Variants in HEPACAM observed in about 807,000 individuals in gnomAD.
HEPACAM encodes hepatocyte cell adhesion molecule.
HEPACAM carries 18 observed loss-of-function variants against 38.3 expected under a neutral mutation model. The observed-to-expected ratio is 0.47, with a 90% confidence interval of 0.33 to 0.70. The LOEUF (loss-of-function observed/expected upper bound fraction) is 0.70, where lower values mean the gene tolerates loss of function less well. HEPACAM is among the 30% of genes least tolerant of loss of function. The probability of loss-of-function intolerance (pLI) is 0.03; values close to 1 mark genes in which losing one functional copy is unlikely to be tolerated. For missense variants in HEPACAM, 466 were observed against 563.0 expected, an observed-to-expected ratio of 0.83 and a Z score of 1.74; for synonymous variants, 216 against 243.1, an observed-to-expected ratio of 0.89 and a Z score of 1.04.
rs1947126000 is a variant in HEPACAM, at chr11:124,921,031, G to A, written c.*107C>T. 1 of 1,403,354 alleles carries A rather than the reference G, an allele frequency of 7.1e-7. No homozygotes were observed. The highest frequency in any genetic ancestry group is 9.2e-7 in the Non-Finnish European group (1 of 1,081,476). The allele number at this position is 1,403,354 out of a possible 1,614,324, so 86.9% of individuals were successfully genotyped here. A position where few individuals can be genotyped will look rare whatever the true frequency, so the allele number is the denominator to read the frequency against. On this transcript the variant is annotated 3_prime_UTR_variant, in exon 7 of 7. Transcript: ENST00000298251. The surrounding 1 kb of genome is among the most constrained non-coding windows in gnomAD (Gnocchi z 4.6). ...ACCCGAGACACCAGCGCCCCCCCGG[G>A]ACCTCCCCTCGTCCCCAGCGCGCCG...
rs1301959078 is a variant in HEPACAM at position 124,920,997 on chromosome 11, C to T, written c.*141G>A. 6 of 1,390,254 alleles carry T rather than the reference C, an allele frequency of 4.3e-6. No individual in the cohort carries two copies. The highest frequency in any genetic ancestry group is 1.5e-5 in the African/African-American group (1 of 65,504). 86.1% of individuals were successfully genotyped at this position (1,390,254 alleles called of 1,614,324 possible). On this transcript the variant is annotated 3_prime_UTR_variant, in exon 7 of 7. Transcript: ENST00000298251. ...CCGCCTCCGTCTGCGCATGCTCATACACGTTCACACCCGAGACACCAGCGC... is the reference window on the plus strand; with the variant it reads ...CCGCCTCCGTCTGCGCATGCTCATATACGTTCACACCCGAGACACCAGCGC...
intron 1 of HEPACAM, among the ~76,000 whole-genome samples, chr11:124,934,550 T>C (rs1947320157): frequency 6.6e-6 from 1 of 150,674 alleles, no homozygotes; most frequent in Admixed American, 6.7e-5. Flanking sequence ...AAGACTGGAG[T>C]GATGCTGCCA....
chr11:124,921,337 G>T lies in HEPACAM; in HGVS notation c.1052C>A (p.Pro351Gln). Reference protein sequence around the residue: ...SVSPAVPGRSPGLPIRSARRY... With the variant: ...SVSPAVPGRSQGLPIRSARRY... ...GCGGGCAGAGCGGATGGGCAGCCCC[G>T]GCGAGCGGCCGGGCACGGCGGGAGA... The change falls in exon 7 of 7, where the codon CCG becomes CAG. Residue 351 changes from proline (P) to glutamine (Q), a missense_variant. Physicochemically the swap from Pro to Gln is moderately conservative, Grantham distance 76. Transcript: ENST00000298251. This position sits in a 1 kb window ranked among gnomAD's most constrained non-coding sequence, Gnocchi z 4.6. The T allele has an allele frequency of 4.7e-6, 6 of 1,269,254 alleles. No homozygotes were observed. The highest frequency in any genetic ancestry group is 5.9e-6 in the Non-Finnish European group (6 of 1,012,386). The allele number at this position is 1,269,254 out of a possible 1,614,324, so 78.6% of individuals were successfully genotyped here. A position where few individuals can be genotyped will look rare whatever the true frequency, so the allele number is the denominator to read the frequency against.
At position 124,920,449 on chromosome 11, in the gene HEPACAM, G is replaced by C. The variant is rs373332085; in HGVS notation, c.*689C>G. ...GGGAGGAGGCCAAGCTGGCAGGCTC[G>C]GGTTCTTTGCCCTTGCTAGCGCCCA... On this transcript the variant is annotated 3_prime_UTR_variant, in exon 7 of 7. Transcript: ENST00000298251. 8.4e-6 allele frequency: 13 copies of C among 1,545,762 alleles called. No individual in the cohort carries two copies. The African/African-American group carries it at 1.8e-4, about 21-fold the overall frequency.
chr11:124,923,505 C>T (rs991447965), intron 3 of HEPACAM, 72 bp from the exon 4 acceptor site: 4 of 1,229,834 alleles, frequency 3.3e-6, no homozygotes, highest in Non-Finnish European at 4.8e-6. Flanking sequence ...GAACTTCCTG[C>T]CATGGATGGA....
At chr11:124,925,144 C>G (rs969321196) in intron 1 of HEPACAM, 75 bp from the exon 2 acceptor site, 23 of 1,175,358 alleles carry the variant, frequency 2.0e-5, no homozygotes, top group Non-Finnish European at 2.6e-5. Flanking sequence ...ACTTTAAGCC[C>G]TCTGATCTCC....
chr11:124,922,845 A>T, intron 4 of HEPACAM, 27 bp from the exon 5 acceptor site: 1 of 1,612,322 alleles, frequency 6.2e-7, no homozygotes, highest in Non-Finnish European at 8.5e-7. Flanking sequence ...CCCCACTATG[A>T]GCCGAATTAT....
chr11:124,920,563 C>T lies in HEPACAM; in HGVS notation c.*575G>A, dbSNP rs1255234682. On this transcript the variant is annotated 3_prime_UTR_variant, in exon 7 of 7. Transcript: ENST00000298251. ...AGGTGCCCAGGGAAGAAGGCCTTCA[C>T]AATGATCCCCCCAGCTCAGAACAGC... is the stretch of plus-strand genomic sequence containing the variant. The T allele has an allele frequency of 1.4e-5, 19 of 1,331,914 alleles. No homozygotes were observed. Among genetic ancestry groups the T allele is most frequent in the Non-Finnish European group, 1.6e-5 (16 of 1,019,718 alleles). The allele number at this position is 1,331,914 out of a possible 1,614,324, so 82.5% of individuals were successfully genotyped here.
In HEPACAM at chr11:124,919,245, T is replaced by A. The variant is rs1221144949; in HGVS notation, c.*1893A>T. On this transcript the variant is annotated 3_prime_UTR_variant, in exon 7 of 7. Coordinates refer to ENST00000298251, the MANE Select transcript of HEPACAM (RefSeq NM_152722.5). ...TGTTTATGTGGAATAAAGTTGTCAT[T>A]TCATTTCATCAAAAGTTTATTGAGC... 1 of 154,664 alleles carries A rather than the reference T, an allele frequency of 6.5e-6. No individual in the cohort carries two copies. The highest frequency in any genetic ancestry group is 1.4e-5 in the Non-Finnish European group (1 of 69,602). The allele number at this position is 154,664 out of a possible 1,614,324, so 9.6% of individuals were successfully genotyped here.
Position 124,919,866 on chromosome 11 carries a change from C to T in HEPACAM, c.*1272G>A. On this transcript the variant is annotated 3_prime_UTR_variant, in exon 7 of 7. Transcript: ENST00000298251. ...GCATTAAGGAGGAGGGAATGGAATA[C>T]ACAGAGGGCCTCCTTCTCTTTCAGC... 6.2e-7 allele frequency: 1 copy of T among 1,614,136 alleles called. No individual in the cohort carries two copies. The highest frequency in any genetic ancestry group is 8.5e-7 in the Non-Finnish European group (1 of 1,180,018).
intron 1 of HEPACAM, among the ~76,000 whole-genome samples, chr11:124,931,523 A>G (rs1259722757): frequency 2.0e-5 from 3 of 152,260 alleles, no homozygotes; most frequent in South Asian, 4.1e-4. Flanking sequence ...AGAATCTGAT[A>G]CCAGTTCATA....
intron 1 of HEPACAM, among the ~76,000 whole-genome samples, chr11:124,928,784 C>T (rs1947249471): frequency 6.6e-6 from 1 of 152,296 alleles, no homozygotes; most frequent in African/African-American, 2.4e-5. Flanking sequence ...CTTTCCGGAC[C>T]GAACCAACAT....
intron 1 of HEPACAM, among the ~76,000 whole-genome samples, chr11:124,929,367 T>C (rs1218524301): frequency 6.6e-6 from 1 of 152,174 alleles, no homozygotes; most frequent in Non-Finnish European, 1.5e-5. Flanking sequence ...GAAGGAGTCT[T>C]TCTTGAAAGC....
chr11:124,935,068 TAA>T (rs1373219102), intron 1 of HEPACAM, among the ~76,000 whole-genome samples: 1 of 152,132 alleles, frequency 6.6e-6, no homozygotes, highest in African/African-American at 2.4e-5. Flanking sequence ...CCCCATCTTT[TAA>T]AATTCAGTGC....
chr11:124,923,902 G>A lies in HEPACAM; in HGVS notation c.536C>T (p.Thr179Ile), dbSNP rs1409088053. ...SHENGTKPSY[T>I]WLKDGKPLLN... ...GAGGGGCTTGCCATCCTTCAGCCAG[G>A]TGTAGCTGGGCTTGGTGCCATTCTC... The change falls in exon 3 of 7, where the codon ACC becomes ATC. Residue 179 changes from threonine (T) to isoleucine (I), a missense_variant. Thr to Ile is a moderately conservative substitution (Grantham distance 89). Transcript: ENST00000298251. 6.2e-7 allele frequency: 1 copy of A among 1,613,716 alleles called. No individual in the cohort carries two copies. Among genetic ancestry groups the A allele is most frequent in the Admixed American group, 1.7e-5 (1 of 60,026 alleles).
In HEPACAM at chr11:124,923,786, T is replaced by C. The variant is rs10790715; in HGVS notation, c.652A>G (p.Met218Val). ...CCCTGGCTGATGGGGTTCTCCACCA[T>C]GCAGCTGTACAGGTCGTCATCCTCC... ...LMEDDDLYSC[M>V]VENPISQGRS... Residue 218 changes from methionine to valine, a missense_variant, in exon 3 of 7, where the codon ATG becomes GTG. Met to Val is a conservative substitution (Grantham distance 21). Coordinates refer to ENST00000298251, the MANE Select transcript of HEPACAM (RefSeq NM_152722.5). 0.71 allele frequency: 1,153,409 copies of C among 1,613,966 alleles called. 415,256 individuals carry two copies. The highest frequency in any genetic ancestry group is 0.91 in the East Asian group (40,780 of 44,868).
chr11:124,922,839 A>G (rs780592617), intron 4 of HEPACAM, 21 bp from the exon 5 acceptor site: 44 of 1,613,392 alleles, frequency 2.7e-5, no homozygotes, highest in Non-Finnish European at 3.6e-5. Flanking sequence ...ATTCAGCCCC[A>G]CTATGAGCCG....
rs1400695588 is a variant in HEPACAM, at chr11:124,921,347, C to G, written c.1042G>C (p.Gly348Arg). 7.9e-7 allele frequency: 1 copy of G among 1,266,902 alleles called. No individual in the cohort carries two copies. Among genetic ancestry groups the G allele is most frequent in the East Asian group, 3.1e-5 (1 of 31,930 alleles). 78.5% of individuals were successfully genotyped at this position (1,266,902 alleles called of 1,614,324 possible). The part of the protein sequence containing the change: ...PGYSVSPAVP[G>R]RSPGLPIRSA... ...CGGATGGGCAGCCCCGGCGAGCGGC[C>G]GGGCACGGCGGGAGACACGGAGTAG... The change falls in exon 7 of 7, where the codon GGC becomes CGC. Residue 348 changes from glycine to arginine, a missense_variant. Coordinates refer to ENST00000298251, the MANE Select transcript of HEPACAM (RefSeq NM_152722.5). The surrounding 1 kb of genome is among the most constrained non-coding windows in gnomAD (Gnocchi z 4.6).
At chr11:124,928,175 G>A (rs1295414062) in intron 1 of HEPACAM, among the ~76,000 whole-genome samples, 1 of 152,194 alleles carries the variant, frequency 6.6e-6, no homozygotes, top group Admixed American at 6.5e-5. Context: ...AACCCAAGGA[G>A]CAACTGGGAA....
Sources: gnomAD v4.1 joint callset for allele counts (sites outside exome capture counted in the v4.1 genomes callset) on GRCh38, gnomAD v4.1.1 for gene constraint, Gnocchi (gnomAD v3.1) non-coding constraint, MANE v1.5 for transcripts, NCBI Gene and HGNC (gene_info 2026-07-23, HGNC 2026-07-21) for gene names.